Variants in MROH9 observed in about 807,000 individuals in gnomAD.
The protein encoded by MROH9 is maestro heat-like repeat-containing protein family member 9.
In MROH9, 92 loss-of-function variants were observed where a neutral mutation model predicts 98.2. That is an observed-to-expected ratio of 0.94 (90% CI 0.79 to 1.11). The LOEUF is 1.11. Among genes scored for constraint, MROH9 ranks in the 50% most tolerant of loss-of-function variants. MROH9 has a pLI of 0.00. For missense variants in MROH9, 1,057 were observed against 1,014.8 expected, an observed-to-expected ratio of 1.04 and a Z score of -0.57; for synonymous variants, 397 against 368.9, an observed-to-expected ratio of 1.08 and a Z score of -0.87.
intron 16 of MROH9, among the ~76,000 whole-genome samples, chr1:171,014,456 C>G (rs913047976): frequency 2.0e-5 from 3 of 148,656 alleles, no homozygotes; most frequent in Non-Finnish European, 4.4e-5. Context: ...GCTTTATCGC[C>G]TTACTTTTTT....
chr1:170,991,580 C>T lies in MROH9; in HGVS notation c.1029-584C>T, dbSNP rs554263819. ...TAGTAAGACTAATCTTGAAGAGTGT[C>T]GAGTATATAGGAAAAGGAGCTAGGG... On this transcript the variant is annotated intron_variant, in intron 11 of 21. Coordinates refer to ENST00000367759, the MANE Select transcript of MROH9 (RefSeq NM_001163629.2). 8.6e-5 allele frequency among the ~76,000 whole-genome samples: 13 copies of T among 151,980 alleles called. No homozygotes were observed. In the South Asian group the frequency reaches 1.9e-3, roughly 22 times the overall value.
intron 3 of MROH9, among the ~76,000 whole-genome samples, chr1:170,956,013 C>T (rs1027339174): frequency 1.3e-5 from 2 of 152,104 alleles, no homozygotes; most frequent in African/African-American, 4.8e-5. Flanking sequence ...GATGAGGATC[C>T]AGTTTCATTC....
intron 17 of MROH9, among the ~76,000 whole-genome samples, chr1:171,022,583 C>A (rs559670111): frequency 6.6e-6 from 1 of 152,050 alleles, no homozygotes; most frequent in Non-Finnish European, 1.5e-5. Context: ...GAACAACACA[C>A]ACCAGGGCCA....
chr1:170,936,072 T>C (rs1018259335), intron 1 of MROH9, among the ~76,000 whole-genome samples: 1 of 150,644 alleles, frequency 6.6e-6, no homozygotes. Flanking sequence ...AAGTTGGCAA[T>C]TGGAAGAATT....
Position 171,024,466 on chromosome 1 carries a change from A to G in MROH9, c.1980A>G (p.Thr660=). Residue 660 remains threonine (T), a synonymous_variant, in exon 18 of 22, where the codon ACA becomes ACG. Coordinates refer to ENST00000367759, the MANE Select transcript of MROH9 (RefSeq NM_001163629.2). ...GQLVRDMRQY[T]WMVNDVVLEG... ...TAGTTAGGGATATGAGACAGTACAC[A>G]TGGATGGTGAATGATGTGGTTCTAG... 6.4e-7 allele frequency: 1 copy of G among 1,550,904 alleles called. No homozygotes were observed. The highest frequency in any genetic ancestry group is 2.4e-5 in the East Asian group (1 of 40,886).
intron 2 of MROH9, 103 bp downstream of exon 2, chr1:170,945,684 C>A: frequency 1.0e-6 from 1 of 987,172 alleles, no homozygotes; most frequent in Non-Finnish European, 1.5e-6. Context: ...CATTCTGTAA[C>A]CATGATAACA....
chr1:170,935,754 T>C (rs1648849939), intron 1 of MROH9, among the ~76,000 whole-genome samples, 167 bp downstream of exon 1: 1 of 151,880 alleles, frequency 6.6e-6, no homozygotes, highest in South Asian at 2.1e-4. Context: ...CCCAGCACTT[T>C]GGGAGGCTGT....
chr1:170,959,611 TC>T lies in MROH9; in HGVS notation c.288+16del. 6.2e-7 allele frequency: 1 copy of T among 1,609,680 alleles called. No individual in the cohort carries two copies. The highest frequency in any genetic ancestry group is 8.5e-7 in the Non-Finnish European group (1 of 1,178,288). On this transcript the variant is annotated intron_variant, in intron 5 of 21. Coordinates refer to ENST00000367759, the MANE Select transcript of MROH9 (RefSeq NM_001163629.2). The stretch of plus-strand genomic sequence containing the variant: ...GAGGACATGGAGGTAAAATTTTTCT[TC>T]CTTTAATCATTATAGGATGTTATTA...
At position 171,024,439 on chromosome 1, in the gene MROH9, A is replaced by G; in HGVS notation, c.1953A>G (p.Gln651=). 1 of 1,551,424 alleles carries G rather than the reference A, an allele frequency of 6.4e-7. No homozygotes were observed. Among genetic ancestry groups the G allele is most frequent in the Non-Finnish European group, 8.7e-7 (1 of 1,146,898 alleles). Reference sequence around the variant, plus strand: ...GTATGGCAATTCGACACTTTGGTCAATTAGTTAGGGATATGAGACAGTACA... The same window carrying G: ...GTATGGCAATTCGACACTTTGGTCAGTTAGTTAGGGATATGAGACAGTACA... ...IRSMAIRHFG[Q]LVRDMRQYTW... Residue 651 remains glutamine (Q), a synonymous_variant, in exon 18 of 22, where the codon CAA becomes CAG. Coordinates refer to ENST00000367759, the MANE Select transcript of MROH9 (RefSeq NM_001163629.2).
At chr1:170,995,270 T>C in intron 12 of MROH9, 119 bp from the exon 13 acceptor site, 1 of 1,084,226 alleles carries the variant, frequency 9.2e-7, no homozygotes, top group Non-Finnish European at 1.4e-6. Context: ...GTGCTTTAGG[T>C]TTTCTTCAAG....
intron 20 of MROH9, 43 bp from the exon 21 acceptor site, chr1:171,062,089 A>G: frequency 1.6e-6 from 2 of 1,240,876 alleles, no homozygotes; most frequent in Non-Finnish European, 2.3e-6. Flanking sequence ...ATGTATTTTC[A>G]TAATGCATGT....
intron 7 of MROH9, among the ~76,000 whole-genome samples, chr1:170,971,509 G>A (rs1650454670): frequency 6.6e-6 from 1 of 152,076 alleles, no homozygotes; most frequent in East Asian, 1.9e-4. Context: ...TTTTCTTCTT[G>A]TCATCAGTGT....
intron 8 of MROH9, among the ~76,000 whole-genome samples, chr1:170,979,896 A>G (rs576537343): frequency 6.6e-6 from 1 of 152,258 alleles, no homozygotes; most frequent in South Asian, 2.1e-4. Flanking sequence ...CAAAATCTCA[A>G]TACAAAATCA....
chr1:171,001,679 GA>G (rs1651786038), intron 15 of MROH9, among the ~76,000 whole-genome samples: 1 of 151,902 alleles, frequency 6.6e-6, no homozygotes, highest in African/African-American at 2.4e-5. Flanking sequence ...TTCTATCTTG[GA>G]AAAAGTTCCG....
At chr1:170,986,789 T>C in intron 10 of MROH9, 79 bp downstream of exon 10, 1 of 1,390,054 alleles carries the variant, frequency 7.2e-7, no homozygotes, top group Non-Finnish European at 9.9e-7. Flanking sequence ...TATGTCCACT[T>C]CTTTTTATAT....
intron 16 of MROH9, 120 bp downstream of exon 16, chr1:171,014,374 A>T: frequency 1.2e-6 from 1 of 866,260 alleles, no homozygotes; most frequent in East Asian, 2.7e-5. Flanking sequence ...TAACTAAAAC[A>T]TATCAAAGCC....
At chr1:171,013,912 CACAG>C (rs577437334) in intron 15 of MROH9, among the ~76,000 whole-genome samples, 340 of 125,576 alleles carry the variant, frequency 2.7e-3, no homozygotes, top group South Asian at 4.7e-3. Context: ...CACACACACA[CACAG>C]ACAGACAAAA....
intron 20 of MROH9, among the ~76,000 whole-genome samples, chr1:171,058,095 C>T (rs1653902704): frequency 6.6e-6 from 1 of 152,134 alleles, no homozygotes; most frequent in South Asian, 2.1e-4. Context: ...AAAGCAACAT[C>T]ACCTCAGCCC....
chr1:170,984,549 C>T (rs949243601), intron 9 of MROH9, among the ~76,000 whole-genome samples: 1 of 152,164 alleles, frequency 6.6e-6, no homozygotes, highest in Non-Finnish European at 1.5e-5. Flanking sequence ...TTCCATCCTC[C>T]ACTCCAGTAT....
Sources: gnomAD v4.1 joint callset for allele counts (sites outside exome capture counted in the v4.1 genomes callset) on GRCh38, gnomAD v4.1.1 for gene constraint, MANE v1.5 for transcripts, NCBI Gene and HGNC (gene_info 2026-07-23, HGNC 2026-07-21) for gene names.